Variants in PTCSC3 observed in about 807,000 individuals in gnomAD.
PTCSC3 encodes papillary thyroid carcinoma susceptibility candidate 3, also known as papillary thyroid carcinoma susceptibility candidate 3 (non-protein coding).
At chr14:36,156,985 C>T (rs1191872089) in intron 2 of PTCSC3, among the ~76,000 whole-genome samples, 2 of 152,174 alleles carry the variant, frequency 1.3e-5, no homozygotes, top group Non-Finnish European at 2.9e-5. Context: ...TGAGGAATCG[C>T]CACACTGTCT....
chr14:36,158,318 C>G (rs1319497159), intron 2 of PTCSC3, among the ~76,000 whole-genome samples: 1 of 152,148 alleles, frequency 6.6e-6, no homozygotes, highest in Non-Finnish European at 1.5e-5. Flanking sequence ...GAGAGGGCAT[C>G]CTTGTCTTGT....
chr14:36,160,570 T>C (rs1298801058), intron 2 of PTCSC3, among the ~76,000 whole-genome samples: 2 of 152,236 alleles, frequency 1.3e-5, no homozygotes, highest in Non-Finnish European at 2.9e-5. Context: ...TTCTGGTTTG[T>C]AGGGTTTCTG....
At chr14:36,155,296 TTAA>T (rs1026289749) in intron 2 of PTCSC3, among the ~76,000 whole-genome samples, 2 of 152,182 alleles carry the variant, frequency 1.3e-5, no homozygotes, top group African/African-American at 4.8e-5. Flanking sequence ...GAAAAAAGTC[TTAA>T]TAACAATTTT....
intron 3 of PTCSC3, among the ~76,000 whole-genome samples, chr14:36,146,307 G>A (rs1332546562): frequency 6.7e-6 from 1 of 148,496 alleles, no homozygotes; most frequent in Non-Finnish European, 1.5e-5. Flanking sequence ...AATTCTCTTT[G>A]TAGGTCACTC....
chr14:36,138,975 G>A (rs1383273230), intron 3 of PTCSC3, among the ~76,000 whole-genome samples: 2 of 152,010 alleles, frequency 1.3e-5, no homozygotes, highest in African/African-American at 2.4e-5. Context: ...TTAGCTGGGC[G>A]TGGTGGCAGG....
At chr14:36,150,793 C>T (rs1881704069) in intron 3 of PTCSC3, among the ~76,000 whole-genome samples, 2 of 152,132 alleles carry the variant, frequency 1.3e-5, no homozygotes, top group Non-Finnish European at 2.9e-5. Flanking sequence ...AGTGCAAATA[C>T]ATTATAACAA....
At chr14:36,154,057 A>G (rs1014033654) in intron 2 of PTCSC3, among the ~76,000 whole-genome samples, 4 of 120,968 alleles carry the variant, frequency 3.3e-5, no homozygotes, top group Admixed American at 1.7e-4. Flanking sequence ...ACACAGTGGG[A>G]CCCTGTCTCG....
In PTCSC3 at chr14:36,138,631, A is replaced by G. The variant is rs146127489; in HGVS notation, n.323-2275T>C. On this transcript the variant is annotated intron_variant and non_coding_transcript_variant, in intron 3 of 3. Transcript: ENST00000556013. ...AGGATATGCAAATTAAACTACCACT[A>G]CATACCCACTAGAATGGCTAAAATT... is the stretch of plus-strand genomic sequence containing the variant. 1.2e-3 allele frequency among the ~76,000 whole-genome samples: 181 copies of G among 152,360 alleles called. 2 individuals carry two copies. Among genetic ancestry groups the G allele is most frequent in the African/African-American group, 4.2e-3 (173 of 41,590 alleles).
chr14:36,147,816 A>T (rs1455495712), intron 3 of PTCSC3, among the ~76,000 whole-genome samples: 1 of 151,540 alleles, frequency 6.6e-6, no homozygotes, highest in East Asian at 1.9e-4. Flanking sequence ...GTCTTTGATG[A>T]TGGTGATGTA....
Position 36,147,320 on chromosome 14 carries a change from C to G in PTCSC3, n.322+6484G>C, listed in dbSNP as rs556593532. ...TACACCAATCAGACGTAGATTTGGT[C>G]TTTTCACATAGTCCCATATTTCTTG... On this transcript the variant is annotated intron_variant and non_coding_transcript_variant, in intron 3 of 3. Coordinates refer to ENST00000556013, the Ensembl canonical transcript of PTCSC3. Among the ~76,000 whole-genome samples, 824 of 152,294 alleles carry G rather than the reference C, an allele frequency of 5.4e-3. 9 individuals carry two copies. The highest frequency in any genetic ancestry group is 0.018 in the African/African-American group (749 of 41,562).
intron 1 of PTCSC3, among the ~76,000 whole-genome samples, chr14:36,168,680 A>G (rs1176564891): frequency 6.6e-6 from 1 of 152,134 alleles, no homozygotes; most frequent in African/African-American, 2.4e-5. Flanking sequence ...CAGTGGCAGG[A>G]TCATAGCTCA....
chr14:36,162,490 C>G (rs750247536), intron 2 of PTCSC3: 2 of 152,396 alleles, frequency 1.3e-5, no homozygotes, highest in East Asian at 1.9e-4. Context: ...GGGAGTTCCC[C>G]GACCCCGTGC....
chr14:36,167,794 A>C (rs1023553796), intron 1 of PTCSC3, among the ~76,000 whole-genome samples: 1 of 152,112 alleles, frequency 6.6e-6, no homozygotes. Context: ...AGGGGAAAAA[A>C]CGCTCCAATT....
intron 1 of PTCSC3, among the ~76,000 whole-genome samples, chr14:36,174,628 G>GTAGACT (rs2139116015): frequency 6.6e-6 from 1 of 152,076 alleles, no homozygotes; most frequent in South Asian, 2.1e-4. Context: ...TTTAACTTGT[G>GTAGACT]TAGACTTAGT....
At chr14:36,164,058 A>T (rs1395083092) in intron 1 of PTCSC3, 1 of 152,218 alleles carries the variant, frequency 6.6e-6, no homozygotes, top group Admixed American at 6.5e-5. Flanking sequence ...GGAGAATTTC[A>T]CTGAATAGCT....
chr14:36,167,796 G>A (rs988753945), intron 1 of PTCSC3, among the ~76,000 whole-genome samples: 4 of 152,068 alleles, frequency 2.6e-5, no homozygotes, highest in Non-Finnish European at 5.9e-5. Flanking sequence ...GGGAAAAAAC[G>A]CTCCAATTAA....
intron 2 of PTCSC3, among the ~76,000 whole-genome samples, chr14:36,156,082 T>C (rs1014560955): frequency 1.3e-5 from 2 of 152,226 alleles, no homozygotes; most frequent in African/African-American, 4.8e-5. Context: ...TGTCACATTG[T>C]CCAAAACTGG....
At chr14:36,156,970 C>T (rs552135401) in intron 2 of PTCSC3, among the ~76,000 whole-genome samples, 1 of 152,066 alleles carries the variant, frequency 6.6e-6, no homozygotes. Flanking sequence ...CTGGTTCTAG[C>T]TCCTTGAGGA....
At chr14:36,140,691 G>A (rs1566501904) in intron 3 of PTCSC3, among the ~76,000 whole-genome samples, 1 of 151,958 alleles carries the variant, frequency 6.6e-6, no homozygotes, top group Non-Finnish European at 1.5e-5. Flanking sequence ...TCTTTTTGTG[G>A]CTCGTCTTTT....
Sources: allele counts gnomAD v4.1 joint callset (sites outside exome capture counted in the v4.1 genomes callset), GRCh38; gene constraint gnomAD v4.1.1; transcripts MANE v1.5; gene names NCBI Gene and HGNC (gene_info 2026-07-23, HGNC 2026-07-21).